The following CAST variants were observed in gnomAD, a reference collection of about 807,000 sequenced individuals.
CAST encodes the protein calpastatin.
A neutral mutation model predicts 119.6 loss-of-function variants in CAST; 76 were observed. The ratio of observed to expected loss-of-function variants is 0.64; its 90% CI spans 0.53 to 0.77. The LOEUF (loss-of-function observed/expected upper bound fraction) is 0.77, where lower values mean the gene tolerates loss of function less well. Ranked by LOEUF, CAST falls within the 30% of genes least tolerant of loss-of-function variation. The probability of loss-of-function intolerance (pLI) is 0.00; values close to 1 mark genes in which losing one functional copy is unlikely to be tolerated. For synonymous variants in CAST, 319 were observed against 331.6 expected (o/e 0.96, Z 0.41); for missense variants, 953 against 946.5 (o/e 1.01, Z -0.09).
chr5:96,582,552 C>A (rs556320189), intron 1 of CAST, among the ~76,000 whole-genome samples: 2 of 152,254 alleles, frequency 1.3e-5, no homozygotes, highest in Admixed American at 1.3e-4. Context: ...TGCTCCCTTG[C>A]CAGGAGCGTG....
At chr5:96,107,106 C>T in the CAST span, among the ~76,000 whole-genome samples, 1 of 149,264 alleles carries the variant, frequency 6.7e-6, no homozygotes, top group African/African-American at 2.5e-5. Context: ...TTATTTTGAG[C>T]CTATGTGTGT....
chr5:96,357,521 A>T, the CAST span, among the ~76,000 whole-genome samples: 1 of 152,116 alleles, frequency 6.6e-6, no homozygotes, highest in African/African-American at 2.4e-5. Context: ...TACCTAGTTT[A>T]TGAGAGTTTT....
chr5:96,746,476 G>A (rs574859168), intron 17 of CAST, 51 bp downstream of exon 17: 1 of 1,020,228 alleles, frequency 9.8e-7, no homozygotes, highest in African/African-American at 1.6e-5. Context: ...TTTGCATCTT[G>A]TTTTGTTGTA....
At chr5:96,232,920 TC>T in the CAST span, among the ~76,000 whole-genome samples, 6 of 152,078 alleles carry the variant, frequency 3.9e-5, no homozygotes, top group Non-Finnish European at 7.4e-5. Context: ...GTATAGCAAT[TC>T]TACTTCAAAA....
chr5:96,060,578 G>A, the CAST span, among the ~76,000 whole-genome samples: 1 of 152,000 alleles, frequency 6.6e-6, no homozygotes, highest in Non-Finnish European at 1.5e-5. Flanking sequence ...CAACACTTGG[G>A]AACATTTCTT....
At chr5:96,377,040 T>TA in the CAST span, among the ~76,000 whole-genome samples, 1 of 152,076 alleles carries the variant, frequency 6.6e-6, no homozygotes, top group Non-Finnish European at 1.5e-5. Context: ...ATAAAATAGA[T>TA]AAAAATTTTA....
intron 1 of CAST, among the ~76,000 whole-genome samples, chr5:96,554,100 A>C (rs533005608): frequency 6.6e-6 from 1 of 152,316 alleles, no homozygotes; most frequent in Non-Finnish European, 1.5e-5. Flanking sequence ...TAGCCAAGAC[A>C]ATCCTGGGCA....
At chr5:96,485,684 C>A in the CAST span, among the ~76,000 whole-genome samples, 1 of 152,118 alleles carries the variant, frequency 6.6e-6, no homozygotes, top group South Asian at 2.1e-4. Flanking sequence ...TGGTAATAGT[C>A]ATATCAGCTG....
the CAST span, among the ~76,000 whole-genome samples, chr5:96,314,060 C>T: frequency 6.6e-6 from 1 of 152,138 alleles, no homozygotes; most frequent in Non-Finnish European, 1.5e-5. Flanking sequence ...TGCATAGGAA[C>T]CTGCTTTCTA....
chr5:96,108,181 A>T, the CAST span, among the ~76,000 whole-genome samples: 1 of 152,162 alleles, frequency 6.6e-6, no homozygotes, highest in Admixed American at 6.6e-5. Flanking sequence ...GTCCTCCCGT[A>T]GCTTGGAGTA....
the CAST span, among the ~76,000 whole-genome samples, chr5:96,462,942 A>G: frequency 6.6e-6 from 1 of 152,090 alleles, no homozygotes; most frequent in Non-Finnish European, 1.5e-5. Flanking sequence ...CATGATTGTA[A>G]GTTTCCTGAG....
chr5:96,624,557 T>C (rs891353196), intron 1 of CAST, among the ~76,000 whole-genome samples: 1 of 152,234 alleles, frequency 6.6e-6, no homozygotes, highest in Non-Finnish European at 1.5e-5. Flanking sequence ...ACTGCTAATA[T>C]AATGCCCCAC....
At chr5:96,499,901 T>C in the CAST span, among the ~76,000 whole-genome samples, 5 of 152,302 alleles carry the variant, frequency 3.3e-5, no homozygotes, top group African/African-American at 7.2e-5. Flanking sequence ...TAGATCAACA[T>C]GTGAGTCTTC....
chr5:96,164,295 G>C, the CAST span, among the ~76,000 whole-genome samples: 25 of 152,324 alleles, frequency 1.6e-4, no homozygotes, highest in South Asian at 4.8e-3. Flanking sequence ...AAATGTATGA[G>C]AGATGAGACA....
At chr5:96,574,958 A>G (rs1223678411) in intron 1 of CAST, among the ~76,000 whole-genome samples, 2 of 152,118 alleles carry the variant, frequency 1.3e-5, no homozygotes, top group Non-Finnish European at 2.9e-5. Flanking sequence ...TTAATTAATT[A>G]ATTAATTAAT....
chr5:96,372,277 T>A, the CAST span, among the ~76,000 whole-genome samples: 1 of 152,208 alleles, frequency 6.6e-6, no homozygotes, highest in Non-Finnish European at 1.5e-5. Flanking sequence ...TTGGAAAAAA[T>A]TCCTGAGAAC....
the CAST span, among the ~76,000 whole-genome samples, chr5:96,001,139 T>A: frequency 6.6e-6 from 1 of 152,200 alleles, no homozygotes; most frequent in Non-Finnish European, 1.5e-5. Flanking sequence ...CTTTTCAGAC[T>A]GAATGTTCTC....
the CAST span, among the ~76,000 whole-genome samples, chr5:96,261,580 C>T: frequency 2.0e-5 from 3 of 152,148 alleles, no homozygotes; most frequent in East Asian, 5.8e-4. Context: ...AATTGGAACT[C>T]TTAGAGGCCT....
At chr5:96,367,657 GC>G in the CAST span, among the ~76,000 whole-genome samples, 1 of 152,236 alleles carries the variant, frequency 6.6e-6, no homozygotes, top group Admixed American at 6.5e-5. Context: ...TGTGTCGTTT[GC>G]TAAGACCATT....
Sources: allele counts gnomAD v4.1 joint callset (sites outside exome capture counted in the v4.1 genomes callset), GRCh38; gene constraint gnomAD v4.1.1; transcripts MANE v1.5; gene names NCBI Gene and HGNC (gene_info 2026-07-23, HGNC 2026-07-21).